Variants in USP43 observed in about 807,000 individuals in gnomAD.
USP43 encodes ubiquitin carboxyl-terminal hydrolase 43.
Under a neutral mutation model 90.7 loss-of-function variants are expected in USP43, and 33 were observed. That is an observed-to-expected ratio of 0.36 (90% CI 0.28 to 0.49). The LOEUF is 0.49. USP43 is among the 20% of genes least tolerant of loss of function. The pLI is 0.98. For synonymous variants in USP43, 598 were observed against 615.8 expected, an observed-to-expected ratio of 0.97 and a Z score of 0.43; for missense variants, 1,274 against 1,476.4, an observed-to-expected ratio of 0.86 and a Z score of 2.25.
rs192506069 is a variant in USP43, at chr17:9,680,592, C to T, written c.1105+226C>T. On this transcript the variant is annotated intron_variant, in intron 6 of 14. Transcript: ENST00000285199. ...GTGAATATTAGAATCACCTGGAGGGCGTGTGAAAGCAGATTTCTGGACCCT... is the reference window on the plus strand; with the variant it reads ...GTGAATATTAGAATCACCTGGAGGGTGTGTGAAAGCAGATTTCTGGACCCT... Among the ~76,000 whole-genome samples the T allele has an allele frequency of 3.9e-5, 6 of 152,218 alleles. No homozygotes were observed. The East Asian group carries it at 7.7e-4, about 20-fold the overall frequency.
intron 1 of USP43, among the ~76,000 whole-genome samples, chr17:9,651,639 T>A (rs75780079): frequency 0.019 from 2,965 of 152,324 alleles, 97 homozygotes; most frequent in African/African-American, 0.067. Flanking sequence ...TTTGCGTACC[T>A]GCTTTTCTAT....
chr17:9,678,420 G>A (rs1394787775), intron 5 of USP43, among the ~76,000 whole-genome samples: 1 of 152,236 alleles, frequency 6.6e-6, no homozygotes. Context: ...GCAGTGGCAC[G>A]ATCTCGGCTC....
rs1457064001 is a variant in USP43, at chr17:9,676,752, G to A, written c.840G>A (p.Leu280=). The A allele has an allele frequency of 6.2e-7, 1 of 1,613,260 alleles. No homozygotes were observed. Among genetic ancestry groups the A allele is most frequent in the African/African-American group, 1.3e-5 (1 of 74,888 alleles). ...GCCCCTTCCTATTTTCCAGGTTCTT[G>A]AGTGTCACCTTGGTCTTCCCCTCTA... The part of the protein sequence containing the change: ...LPIPLRQTRF[L]SVTLVFPSKS... The change falls in exon 5 of 15, where the codon TTG becomes TTA. Residue 280 remains leucine, a synonymous_variant. Coordinates refer to ENST00000285199, the MANE Select transcript of USP43 (RefSeq NM_153210.5).
At position 9,656,387 on chromosome 17, in the gene USP43, C is replaced by T. The variant is rs1391533004; in HGVS notation, c.505-16C>T. 6.2e-7 allele frequency: 1 copy of T among 1,608,600 alleles called. No individual in the cohort carries two copies. Among genetic ancestry groups the T allele is most frequent in the Non-Finnish European group, 8.5e-7 (1 of 1,177,522 alleles). ...AGGGGCCAAATTCACCTCTCGATTTCCTTTTTTCCTTTCAGAATGCAGTTT... is the reference window on the plus strand; with the variant it reads ...AGGGGCCAAATTCACCTCTCGATTTTCTTTTTTCCTTTCAGAATGCAGTTT... On this transcript the variant is annotated splice_polypyrimidine_tract_variant and intron_variant, in intron 1 of 14. Transcript: ENST00000285199.
At chr17:9,704,203 T>C (rs970734407) in intron 12 of USP43, among the ~76,000 whole-genome samples, 1 of 152,224 alleles carries the variant, frequency 6.6e-6, no homozygotes, top group Non-Finnish European at 1.5e-5. Context: ...TAGAGTGTGC[T>C]TACCTGTAGG....
intron 2 of USP43, among the ~76,000 whole-genome samples, chr17:9,657,744 G>A (rs1490876079): frequency 6.6e-6 from 1 of 152,024 alleles, no homozygotes; most frequent in African/African-American, 2.4e-5. Context: ...GAACAGCATG[G>A]GGGAAACTTC....
intron 14 of USP43, among the ~76,000 whole-genome samples, chr17:9,715,550 CTTTG>C (rs1268487368): frequency 7.8e-5 from 11 of 140,466 alleles, no homozygotes; most frequent in African/African-American, 3.1e-4. Context: ...GTGTCTGTGT[CTTTG>C]TGTGTGTGTG....
Position 9,700,247 on chromosome 17 carries a change from G to C in USP43, c.1533G>C (p.Glu511Asp). ...TGGAGTGGGATAGCTCTGTCAAGGA[G>C]CGGTGAGTTCAAGGGAATTTGCCAC... Reference protein sequence around the residue: ...LAVEWDSSVKERLFGSLQEER... With the variant: ...LAVEWDSSVKDRLFGSLQEER... Residue 511 changes from glutamate (E) to aspartate (D), a missense_variant and splice_region_variant, in exon 10 of 15, where the codon GAG becomes GAC. Physicochemically the swap from Glu to Asp is conservative, Grantham distance 45. Coordinates refer to ENST00000285199, the MANE Select transcript of USP43 (RefSeq NM_153210.5). The C allele has an allele frequency of 6.3e-7, 1 of 1,595,438 alleles. No individual in the cohort carries two copies. The highest frequency in any genetic ancestry group is 8.5e-7 in the Non-Finnish European group (1 of 1,171,160).
At chr17:9,651,365 T>C (rs776164782) in intron 1 of USP43, among the ~76,000 whole-genome samples, 18 of 152,052 alleles carry the variant, frequency 1.2e-4, no homozygotes, top group Non-Finnish European at 2.5e-4. Context: ...CTAATTTTTG[T>C]ATTTGTAGTA....
chr17:9,680,103 C>A, intron 5 of USP43, 128 bp from the exon 6 acceptor site: 1 of 922,018 alleles, frequency 1.1e-6, no homozygotes, highest in South Asian at 1.7e-5. Flanking sequence ...TGCCTTATTA[C>A]TAAAAATAAG....
chr17:9,651,720 C>A (rs2151961339), intron 1 of USP43, among the ~76,000 whole-genome samples: 1 of 152,298 alleles, frequency 6.6e-6, no homozygotes, highest in Non-Finnish European at 1.5e-5. Context: ...TTTAGATCTA[C>A]AGTGATATAC....
chr17:9,684,833 A>T (rs903926238), intron 7 of USP43, among the ~76,000 whole-genome samples: 8 of 152,004 alleles, frequency 5.3e-5, no homozygotes, highest in African/African-American at 1.9e-4. Context: ...ATAGCAAGAT[A>T]CTATTCTTAA....
intron 1 of USP43, among the ~76,000 whole-genome samples, chr17:9,647,848 C>CAAAAAAAAAAAA (rs35223665): frequency 1.2e-5 from 1 of 82,092 alleles, no homozygotes; most frequent in African/African-American, 4.6e-5. Context: ...ACTAAAAATC[C>CAAAAAAAAAAAA]AAAAAAAAAA....
chr17:9,686,985 G>A lies in USP43; in HGVS notation c.1353+76G>A. The A allele has an allele frequency of 1.5e-6, 2 of 1,360,752 alleles. No homozygotes were observed. Among genetic ancestry groups the A allele is most frequent in the East Asian group, 2.4e-5 (1 of 42,116 alleles). 84.3% of individuals were successfully genotyped at this position (1,360,752 alleles called of 1,614,324 possible). A position where few individuals can be genotyped will look rare whatever the true frequency, so the allele number is the denominator to read the frequency against. On this transcript the variant is annotated intron_variant, in intron 8 of 14. Coordinates refer to ENST00000285199, the MANE Select transcript of USP43 (RefSeq NM_153210.5). The surrounding 1 kb of genome is among the most constrained non-coding windows in gnomAD (Gnocchi z 5.5). ...TGCGTGTGTGTGGGTGTGTGTATTG[G>A]GAGGGGTGGAATTTAGTGTAGCCCA...
Position 9,676,899 on chromosome 17 carries a change from T to G in USP43, c.969+18T>G. 1.2e-6 allele frequency: 2 copies of G among 1,610,776 alleles called. No homozygotes were observed. Among genetic ancestry groups the G allele is most frequent in the Non-Finnish European group, 1.7e-6 (2 of 1,178,290 alleles). ...CAGATGAGGTGTGATAGAATTGCACTGGGGCCTGGTCATTGGATGATAGAA... is the reference window on the plus strand; with the variant it reads ...CAGATGAGGTGTGATAGAATTGCACGGGGGCCTGGTCATTGGATGATAGAA... On this transcript the variant is annotated intron_variant, in intron 5 of 14. Transcript: ENST00000285199.
intron 7 of USP43, among the ~76,000 whole-genome samples, 172 bp downstream of exon 7, chr17:9,683,130 C>T (rs1297231442): frequency 6.6e-6 from 1 of 152,192 alleles, no homozygotes; most frequent in Non-Finnish European, 1.5e-5. Flanking sequence ...AAGCATTTGG[C>T]TAACGTCATC....
At chr17:9,715,847 A>C (rs1046426852) in intron 14 of USP43, among the ~76,000 whole-genome samples, 1 of 105,432 alleles carries the variant, frequency 9.5e-6, no homozygotes, top group Non-Finnish European at 2.0e-5. Context: ...GTATCTGTGT[A>C]TATGTGTCTG....
Position 9,728,760 on chromosome 17 carries a change from C to T in USP43, c.3142C>T (p.Pro1048Ser). The stretch of plus-strand genomic sequence containing the variant: ...AGGCTCACCTCCTGCCCTCAGGATC[C>T]CAGAGGGCCTGGCCAGGGGCCTGGG... ...APGSPPALRI[P>S]EGLARGLGSR... is the part of the protein sequence containing the mutation. Residue 1048 changes from proline to serine, a missense_variant, in exon 15 of 15, where the codon CCA (proline) becomes TCA (serine). By Grantham distance (74) the Pro-to-Ser change is moderately conservative (BLOSUM62 -1). This residue lies in a region of USP43 where 353 missense variants were observed against 329.7 expected (regional missense o/e 1.07). Coordinates refer to ENST00000285199, the MANE Select transcript of USP43 (RefSeq NM_153210.5). The surrounding 1 kb of genome is among the most constrained non-coding windows in gnomAD (Gnocchi z 6.2). 1.2e-6 allele frequency: 2 copies of T among 1,605,340 alleles called. No individual in the cohort carries two copies. Among genetic ancestry groups the T allele is most frequent in the African/African-American group, 1.3e-5 (1 of 74,902 alleles).
chr17:9,673,121 A>G (rs1440227313), intron 3 of USP43, among the ~76,000 whole-genome samples: 1 of 152,242 alleles, frequency 6.6e-6, no homozygotes, highest in Non-Finnish European at 1.5e-5. Context: ...TAGGATTAGT[A>G]ACATAGCATG....
Sources: gnomAD v4.1 joint callset for allele counts (sites outside exome capture counted in the v4.1 genomes callset) on GRCh38, gnomAD v4.1.1 for gene constraint, gnomAD v4.1.1 regional missense constraint, Gnocchi (gnomAD v3.1) non-coding constraint, MANE v1.5 for transcripts, NCBI Gene and HGNC (gene_info 2026-07-23, HGNC 2026-07-21) for gene names.